AGAP1: variants seen among roughly 807,000 people sequenced by gnomAD.
The protein encoded by AGAP1 is arf-GAP with GTPase, ANK repeat and PH domain-containing protein 1.
In AGAP1, 29 loss-of-function variants were observed where a neutral mutation model predicts 105.3. The ratio of observed to expected loss-of-function variants is 0.28; its 90% CI spans 0.21 to 0.38. The LOEUF is 0.38. AGAP1 is among the 10% of genes least tolerant of loss of function. The pLI is 1.00. For synonymous variants in AGAP1, 509 were observed against 485.9 expected (o/e 1.05, Z -0.63); for missense variants, 998 against 1,165.1 (o/e 0.86, Z 2.09).
At position 235,971,593 on chromosome 2, in the gene AGAP1, G is replaced by A. The variant is rs562814683; in HGVS notation, c.1645+2970G>A. 1.6e-4 allele frequency among the ~76,000 whole-genome samples: 25 copies of A among 152,052 alleles called. No homozygotes were observed. The highest frequency in any genetic ancestry group is 6.0e-4 in the African/African-American group (25 of 41,514). ...AGGTCCCAGCTACTTGGGAGGCTGA[G>A]GCAGGAGAATGGCGTGAACCCAGGA... is the stretch of plus-strand genomic sequence containing the variant. On this transcript the variant is annotated intron_variant, in intron 13 of 17. Coordinates refer to ENST00000304032, the MANE Select transcript of AGAP1 (RefSeq NM_001037131.3). This position sits in a 1 kb window ranked among gnomAD's most constrained non-coding sequence, Gnocchi z 4.8.
chr2:235,863,303 G>T (rs2049013734), intron 9 of AGAP1, among the ~76,000 whole-genome samples: 1 of 152,196 alleles, frequency 6.6e-6, no homozygotes, highest in African/African-American at 2.4e-5. Context: ...AGGTACATGA[G>T]AAAAAGTAAG....
chr2:235,717,619 A>G lies in AGAP1; in HGVS notation c.285A>G (p.Thr95=), dbSNP rs1486854779. Residue 95 remains threonine, a synonymous_variant, in exon 3 of 18, where the codon ACA becomes ACG. Transcript: ENST00000304032. ...SALVHRYLTG[T]YVQEESPEGG... ...TGGTGCACCGGTACCTGACGGGCAC[A>G]TATGTCCAGGAGGAGTCTCCGGAAG... 5 of 1,605,388 alleles carry G rather than the reference A, an allele frequency of 3.1e-6. No homozygotes were observed. The highest frequency in any genetic ancestry group is 2.2e-5 in the East Asian group (1 of 44,498).
chr2:235,597,855 TTTCCTTTGTGTGGAGCGTGCACGCGC>T (rs1945582723), intron 1 of AGAP1, among the ~76,000 whole-genome samples: 2 of 65,466 alleles, frequency 3.1e-5, no homozygotes, highest in African/African-American at 1.2e-4. Context: ...CGCTCCCGTG[TTTCCTTTGTGTGGAGCGTGCACGCGC>T]TCCCGTGTTT....
intron 1 of AGAP1, among the ~76,000 whole-genome samples, chr2:235,531,535 C>T (rs544050272): frequency 1.3e-3 from 205 of 151,890 alleles, no homozygotes; most frequent in African/African-American, 4.9e-3. Context: ...ATGATTCATA[C>T]ATGTGTCCTC....
intron 16 of AGAP1, among the ~76,000 whole-genome samples, chr2:236,102,417 C>CAAAA (rs34989933): frequency 7.6e-5 from 5 of 66,210 alleles, no homozygotes; most frequent in South Asian, 5.9e-4. Context: ...GACTCCATCT[C>CAAAA]AAAAAAAAAA....
chr2:235,865,009 T>A lies in AGAP1; in HGVS notation c.1051-18336T>A, dbSNP rs1032796861. 1.3e-5 allele frequency among the ~76,000 whole-genome samples: 2 copies of A among 152,198 alleles called. No homozygotes were observed. The highest frequency in any genetic ancestry group is 2.9e-5 in the Non-Finnish European group (2 of 68,034). On this transcript the variant is annotated intron_variant, in intron 9 of 17. Transcript: ENST00000304032. This position sits in a 1 kb window ranked among gnomAD's most constrained non-coding sequence, Gnocchi z 6.2. ...AAACACAACAAACTTTTTATTTCTT[T>A]CCCTGTCATTGTTCTTGGTCTTGTT...
In AGAP1 at chr2:236,128,143, CG is replaced by C. The variant is rs1453531039; in HGVS notation, c.*4025del. ...TGCCAGTGCCCTGCCCTCCACATGG[CG>C]GGGAACAGCATCAATGAGGTCCTTG... On this transcript the variant is annotated 3_prime_UTR_variant, in exon 18 of 18. Transcript: ENST00000304032. The surrounding 1 kb of genome is among the most constrained non-coding windows in gnomAD (Gnocchi z 5.9). 6.6e-6 allele frequency: 1 copy of C among 151,618 alleles called. No individual in the cohort carries two copies. Among genetic ancestry groups the C allele is most frequent in the Non-Finnish European group, 1.5e-5 (1 of 68,068 alleles). 9.4% of individuals were successfully genotyped at this position (151,618 alleles called of 1,614,324 possible). A position where few individuals can be genotyped will look rare whatever the true frequency, so the allele number is the denominator to read the frequency against.
chr2:235,781,589 T>C (rs60591163), intron 6 of AGAP1, among the ~76,000 whole-genome samples: 36,136 of 152,108 alleles, frequency 0.24, 4,909 homozygotes, highest in Admixed American at 0.39. Context: ...ATCACACTTA[T>C]TGAATGCAGA....
chr2:236,024,843 G>A (rs905915309), intron 13 of AGAP1, among the ~76,000 whole-genome samples: 9 of 152,202 alleles, frequency 5.9e-5, no homozygotes, highest in South Asian at 2.1e-4. Flanking sequence ...GGTTGATTTC[G>A]ACAGGTTCAT....
chr2:235,702,934 G>GTGTTTTTTTTTTGTTTTTTTTTTTTTTT (rs1553609552), intron 1 of AGAP1, among the ~76,000 whole-genome samples: 1 of 88,946 alleles, frequency 1.1e-5, no homozygotes, highest in Non-Finnish European at 2.2e-5. Context: ...AGTTTTCTTG[G>GTGTTTTTTTTTTGTTTTTTTTTTTTTTT]TTTTTTTTTT....
chr2:235,657,804 G>C (rs934697765), intron 1 of AGAP1, among the ~76,000 whole-genome samples: 2 of 152,280 alleles, frequency 1.3e-5, no homozygotes, highest in South Asian at 2.1e-4. Flanking sequence ...TTTGGAGACA[G>C]GTTCTTTAAA....
At position 235,865,391 on chromosome 2, in the gene AGAP1, A is replaced by G. The variant is rs1476525004; in HGVS notation, c.1051-17954A>G. 6.6e-6 allele frequency among the ~76,000 whole-genome samples: 1 copy of G among 152,234 alleles called. No individual in the cohort carries two copies. Among genetic ancestry groups the G allele is most frequent in the Non-Finnish European group, 1.5e-5 (1 of 68,044 alleles). ...TGGGTTCCGCAAATAGGGCACCCAC[A>G]GTAACACGTGTGGCGCCGACCCCGC... On this transcript the variant is annotated intron_variant, in intron 9 of 17. Transcript: ENST00000304032. This position sits in a 1 kb window ranked among gnomAD's most constrained non-coding sequence, Gnocchi z 6.2.
intron 1 of AGAP1, among the ~76,000 whole-genome samples, chr2:235,506,485 C>T (rs557123009): frequency 1.5e-3 from 226 of 151,282 alleles, no homozygotes; most frequent in Admixed American, 2.8e-3. Flanking sequence ...CATCACTGCG[C>T]TCCACCCTGG....
rs1179898799 is a variant in AGAP1, at chr2:235,702,662, A to G, written c.164-6517A>G. On this transcript the variant is annotated intron_variant, in intron 1 of 17. Transcript: ENST00000304032. Reference sequence around the variant, plus strand: ...TGGATGACTTTTTTCATACACGTTTATGTGCTGTAGGTTGAACCCCACTGT... The same window carrying G: ...TGGATGACTTTTTTCATACACGTTTGTGTGCTGTAGGTTGAACCCCACTGT... Among the ~76,000 whole-genome samples, 3 of 152,098 alleles carry G rather than the reference A, an allele frequency of 2.0e-5. No homozygotes were observed. In the East Asian group the frequency reaches 5.8e-4, roughly 29 times the overall value.
intron 1 of AGAP1, among the ~76,000 whole-genome samples, chr2:235,643,653 A>G (rs1015575412): frequency 1.3e-5 from 2 of 151,730 alleles, no homozygotes; most frequent in Admixed American, 6.6e-5. Context: ...TGGAAAAGTC[A>G]TTAGGAATTT....
rs1398818823 is a variant in AGAP1 at position 235,951,516 on chromosome 2, TGATTGCAGGGTTGGTTTAA to T, written c.1484-16939_1484-16921del. Among the ~76,000 whole-genome samples, 2 of 152,208 alleles carry T rather than the reference TGATTGCAGGGTTGGTTTAA, an allele frequency of 1.3e-5. No homozygotes were observed. Among genetic ancestry groups the T allele is most frequent in the African/African-American group, 4.8e-5 (2 of 41,454 alleles). On this transcript the variant is annotated intron_variant, in intron 12 of 17. Coordinates refer to ENST00000304032, the MANE Select transcript of AGAP1 (RefSeq NM_001037131.3). The surrounding 1 kb of genome is among the most constrained non-coding windows in gnomAD (Gnocchi z 4.2). ...TTTGTTCTTCTCGTTATTTTTGGAA[TGATTGCAGGGTTGGTTTAA>T]GATTGCCATGACCACATATTAATAG...
rs2054236849 is a variant in AGAP1 at position 235,962,550 on chromosome 2, G to A, written c.1484-5912G>A. 6.6e-6 allele frequency among the ~76,000 whole-genome samples: 1 copy of A among 152,094 alleles called. No individual in the cohort carries two copies. The highest frequency in any genetic ancestry group is 1.5e-5 in the Non-Finnish European group (1 of 68,006). On this transcript the variant is annotated intron_variant, in intron 12 of 17. Transcript: ENST00000304032. The surrounding 1 kb of genome is among the most constrained non-coding windows in gnomAD (Gnocchi z 5.3). ...GAGGCAGGGGTGGGGGTGGCAGTTA[G>A]ACCCTAGAAACTGTGGTTCTTGCTG...
chr2:235,922,049 C>T (rs1185044195), intron 11 of AGAP1, among the ~76,000 whole-genome samples: 1 of 152,224 alleles, frequency 6.6e-6, no homozygotes, highest in African/African-American at 2.4e-5. Flanking sequence ...AACGTCGCCT[C>T]CTTCATCCAG....
chr2:235,626,438 T>C (rs13424916), intron 1 of AGAP1, among the ~76,000 whole-genome samples: 9,516 of 152,208 alleles, frequency 0.063, 833 homozygotes, highest in African/African-American at 0.2. Flanking sequence ...CCATGTAAGG[T>C]CTGGGTGCAG....
Sources: gnomAD v4.1 joint callset for allele counts (sites outside exome capture counted in the v4.1 genomes callset) on GRCh38, gnomAD v4.1.1 for gene constraint, Gnocchi (gnomAD v3.1) non-coding constraint, MANE v1.5 for transcripts, NCBI Gene and HGNC (gene_info 2026-07-23, HGNC 2026-07-21) for gene names.